RPS6KA3: variants seen among roughly 807,000 people sequenced by gnomAD.
RPS6KA3 encodes ribosomal protein S6 kinase A3, also known as ribosomal protein S6 kinase alpha-3.
A neutral mutation model predicts 67.2 loss-of-function variants in RPS6KA3; 4 were observed. The observed-to-expected ratio is 0.06, with a 90% confidence interval of 0.03 to 0.14. The LOEUF (loss-of-function observed/expected upper bound fraction) is 0.14, where lower values mean the gene tolerates loss of function less well. Ranked by LOEUF, RPS6KA3 falls within the 10% of genes least tolerant of loss-of-function variation. The probability of loss-of-function intolerance (pLI) is 1.00; values close to 1 mark genes in which losing one functional copy is unlikely to be tolerated. For synonymous variants in RPS6KA3, 182 were observed against 183.7 expected (o/e 0.99, Z 0.07); for missense variants, 204 against 559.0 (o/e 0.36, Z 6.40).
chrX:20,208,579 C>T (rs889838261), intron 3 of RPS6KA3, among the ~76,000 whole-genome samples: 1 of 110,105 alleles, frequency 9.1e-6, no homozygotes, highest in Non-Finnish European at 1.9e-5. Flanking sequence ...ATTAGCTGGG[C>T]GTGGTGGTGT....
intron 2 of RPS6KA3, among the ~76,000 whole-genome samples, chrX:20,227,328 TCTTA>T (rs1197604448): frequency 1.8e-5 from 2 of 111,956 alleles, no homozygotes; most frequent in Non-Finnish European, 3.8e-5. Context: ...CCCATGTCTC[TCTTA>T]CTTAGTTAAT....
intron 1 of RPS6KA3, among the ~76,000 whole-genome samples, chrX:20,242,430 A>C (rs900882502): frequency 3.6e-5 from 4 of 111,948 alleles, no homozygotes; most frequent in African/African-American, 1.3e-4. Flanking sequence ...AACATGAGTC[A>C]GGTATAATTA....
intron 1 of RPS6KA3, among the ~76,000 whole-genome samples, chrX:20,257,021 G>A (rs1380341210): frequency 8.9e-6 from 1 of 112,332 alleles, no homozygotes; most frequent in African/African-American, 3.2e-5. Flanking sequence ...TTTGCAATCT[G>A]TGAGACTTGG....
At chrX:20,215,251 A>G (rs1255418009) in intron 2 of RPS6KA3, among the ~76,000 whole-genome samples, 6 of 110,730 alleles carry the variant, frequency 5.4e-5, no homozygotes, top group Non-Finnish European at 9.5e-5. Context: ...TTTAAAAAGC[A>G]TCTTCCTCCA....
intron 8 of RPS6KA3, 98 bp from the exon 9 acceptor site, chrX:20,188,068 GT>G (rs909778469): frequency 1.5e-5 from 12 of 803,867 alleles, no homozygotes; most frequent in Non-Finnish European, 2.2e-5. Flanking sequence ...TCTAATACAA[GT>G]TTTTTTTGTT....
chrX:20,186,482 T>C, intron 9 of RPS6KA3, 116 bp from the exon 10 acceptor site: 1 of 505,505 alleles, frequency 2.0e-6, no homozygotes, highest in Non-Finnish European at 3.5e-6. Context: ...CTAAAATTGC[T>C]ACATAACAAG....
chrX:20,203,836 G>A (rs2068508218), intron 4 of RPS6KA3, 186 bp downstream of exon 4: 1 of 430,310 alleles, frequency 2.3e-6, no homozygotes, highest in Non-Finnish European at 4.1e-6. Flanking sequence ...TGGCAACTCT[G>A]GTTCTCACTA....
intron 21 of RPS6KA3, 23 bp downstream of exon 21, chrX:20,156,085 CA>C: frequency 8.3e-7 from 1 of 1,208,902 alleles, no homozygotes; most frequent in Non-Finnish European, 1.1e-6. Flanking sequence ...CTGTGGAAAA[CA>C]GTGACTGTAT....
intron 20 of RPS6KA3, among the ~76,000 whole-genome samples, chrX:20,158,329 C>T (rs1346377571): frequency 7.0e-5 from 6 of 85,806 alleles, no homozygotes; most frequent in African/African-American, 2.8e-4. Context: ...TGTACCACTG[C>T]AACTCTAGCC....
At chrX:20,249,060 T>C (rs755314133) in intron 1 of RPS6KA3, among the ~76,000 whole-genome samples, 2 of 112,379 alleles carry the variant, frequency 1.8e-5, no homozygotes, top group Non-Finnish European at 3.8e-5. Context: ...TTTAAGAATG[T>C]CATATAAATC....
intron 13 of RPS6KA3, among the ~76,000 whole-genome samples, chrX:20,175,688 G>GA (rs1345717260): frequency 9.0e-6 from 1 of 111,264 alleles, no homozygotes; most frequent in African/African-American, 3.3e-5. Flanking sequence ...GCGTGACTGA[G>GA]AAACTACACT....
chrX:20,203,562 C>T (rs2068501228), intron 4 of RPS6KA3: 1 of 116,253 alleles, frequency 8.6e-6, no homozygotes, highest in Admixed American at 8.9e-5. Context: ...CACGCCCGGC[C>T]TCTTCTTAAC....
chrX:20,162,077 C>A (rs1368491047), intron 19 of RPS6KA3, among the ~76,000 whole-genome samples: 1 of 109,642 alleles, frequency 9.1e-6, no homozygotes, highest in Non-Finnish European at 1.9e-5. Flanking sequence ...GTGGCTCATG[C>A]CTGTAATCCC....
intron 2 of RPS6KA3, among the ~76,000 whole-genome samples, chrX:20,216,105 A>G (rs1015608353): frequency 8.9e-6 from 1 of 112,061 alleles, no homozygotes; most frequent in African/African-American, 3.2e-5. Flanking sequence ...TGATAAATGG[A>G]TATCTGTCCA....
At chrX:20,204,178 T>G (rs1355933932) in intron 3 of RPS6KA3, 75 bp from the exon 4 acceptor site, 8 of 608,311 alleles carry the variant, frequency 1.3e-5, no homozygotes, top group Admixed American at 2.5e-5. Context: ...GACCCTGCTA[T>G]AATACAGTTT....
chrX:20,226,997 T>C (rs1651961149), intron 2 of RPS6KA3, among the ~76,000 whole-genome samples: 1 of 112,173 alleles, frequency 8.9e-6, no homozygotes, highest in African/African-American at 3.2e-5. Flanking sequence ...ATTTTTGTTT[T>C]TCCTTAAGTT....
intron 2 of RPS6KA3, among the ~76,000 whole-genome samples, chrX:20,219,436 A>G (rs976779828): frequency 2.7e-5 from 3 of 112,069 alleles, no homozygotes; most frequent in Non-Finnish European, 5.6e-5. Context: ...ACCACAGGCA[A>G]GAAACTTTTA....
At chrX:20,220,515 G>GA (rs1273309929) in intron 2 of RPS6KA3, among the ~76,000 whole-genome samples, 1 of 107,246 alleles carries the variant, frequency 9.3e-6, no homozygotes, top group Non-Finnish European at 1.9e-5. Context: ...ACTATGTCAG[G>GA]AAAAAGCATC....
intron 10 of RPS6KA3, among the ~76,000 whole-genome samples, chrX:20,178,541 C>T (rs1189211049): frequency 1.0e-5 from 1 of 100,146 alleles, no homozygotes; most frequent in Non-Finnish European, 2.0e-5. Context: ...GGCACAATCT[C>T]GGCTCACTGC....
Sources: allele counts gnomAD v4.1 joint callset (sites outside exome capture counted in the v4.1 genomes callset), GRCh38; gene constraint gnomAD v4.1.1; transcripts MANE v1.5; gene names NCBI Gene and HGNC (gene_info 2026-07-23, HGNC 2026-07-21).